The following PPM1L variants were observed in gnomAD, a reference collection of about 807,000 sequenced individuals.
The protein encoded by PPM1L is protein phosphatase, Mg2+/Mn2+ dependent 1L.
PPM1L carries 13 observed loss-of-function variants against 31.4 expected under a neutral mutation model. That is an observed-to-expected ratio of 0.41 (90% CI 0.27 to 0.66). The LOEUF (loss-of-function observed/expected upper bound fraction) is 0.66. Ranked by LOEUF, PPM1L falls within the 30% of genes least tolerant of loss-of-function variation. PPM1L has a pLI of 0.29. For synonymous variants in PPM1L, 184 were observed against 175.4 expected (o/e 1.05, Z -0.39); for missense variants, 326 against 453.7 (o/e 0.72, Z 2.56).
chr3:160,977,316 A>G (rs1357701540), intron 2 of PPM1L, among the ~76,000 whole-genome samples: 1 of 152,210 alleles, frequency 6.6e-6, no homozygotes, highest in Admixed American at 6.5e-5. Context: ...AGGGAATTCT[A>G]AATTGACTGT....
intron 1 of PPM1L, among the ~76,000 whole-genome samples, chr3:160,905,438 A>G (rs1216862859): frequency 1.6e-4 from 25 of 152,186 alleles, no homozygotes; most frequent in Non-Finnish European, 8.8e-5. Flanking sequence ...ATGCCCGTCT[A>G]ATAGTTCTGA....
intron 1 of PPM1L, among the ~76,000 whole-genome samples, chr3:160,784,406 A>G (rs1306728667): frequency 2.0e-5 from 3 of 152,180 alleles, no homozygotes; most frequent in Non-Finnish European, 2.9e-5. Context: ...CTTCTACCAT[A>G]TGAATAGTTA....
At chr3:160,857,952 G>A (rs930670534) in intron 1 of PPM1L, among the ~76,000 whole-genome samples, 4 of 152,174 alleles carry the variant, frequency 2.6e-5, no homozygotes, top group Admixed American at 1.3e-4. Context: ...TGCAGTGACT[G>A]TGTCCTGTCA....
chr3:160,842,014 C>A (rs1322031825), intron 1 of PPM1L, among the ~76,000 whole-genome samples: 1 of 152,130 alleles, frequency 6.6e-6, no homozygotes, highest in Non-Finnish European at 1.5e-5. Flanking sequence ...TCCTTACCCT[C>A]AGGTAACTTA....
chr3:160,977,678 A>G (rs1716642924), intron 2 of PPM1L, among the ~76,000 whole-genome samples: 1 of 152,126 alleles, frequency 6.6e-6, no homozygotes, highest in African/African-American at 2.4e-5. Context: ...TATAATAATA[A>G]TGTTACAATA....
In PPM1L at chr3:160,996,390, A is replaced by G. The variant is rs528471870; in HGVS notation, c.574+34480A>G. Among the ~76,000 whole-genome samples, 154 of 152,344 alleles carry G rather than the reference A, an allele frequency of 1.0e-3. 1 individual carries two copies. Among genetic ancestry groups the G allele is most frequent in the African/African-American group, 3.4e-3 (143 of 41,580 alleles). On this transcript the variant is annotated intron_variant, in intron 2 of 3. Transcript: ENST00000498165. ...AATTGCAAAAATACGGAACCCACCC[A>G]AATGTCCATCATTCAACGAGTGGAT...
At chr3:160,812,509 GTCT>G (rs1156768598) in intron 1 of PPM1L, among the ~76,000 whole-genome samples, 2 of 152,180 alleles carry the variant, frequency 1.3e-5, no homozygotes, top group Non-Finnish European at 2.9e-5. Flanking sequence ...TTCAGAAATA[GTCT>G]TCTTTGTGCT....
intron 1 of PPM1L, among the ~76,000 whole-genome samples, chr3:160,882,715 G>T (rs940272052): frequency 9.2e-5 from 14 of 152,148 alleles, no homozygotes; most frequent in African/African-American, 3.1e-4. Context: ...GTATATAAAT[G>T]AAAAGTTTCC....
At chr3:161,037,278 T>C (rs1017036205) in intron 2 of PPM1L, among the ~76,000 whole-genome samples, 14 of 152,140 alleles carry the variant, frequency 9.2e-5, no homozygotes, top group Admixed American at 9.2e-4. Context: ...AATCACATGC[T>C]CAGGGGGAAA....
At chr3:160,995,801 T>G (rs1402790476) in intron 2 of PPM1L, among the ~76,000 whole-genome samples, 1 of 152,152 alleles carries the variant, frequency 6.6e-6, no homozygotes, top group African/African-American at 2.4e-5. Context: ...TTTTTGGTTT[T>G]GTGGGTTGAT....
At chr3:160,827,722 A>C (rs1173265211) in intron 1 of PPM1L, among the ~76,000 whole-genome samples, 1 of 152,132 alleles carries the variant, frequency 6.6e-6, no homozygotes, top group Non-Finnish European at 1.5e-5. Flanking sequence ...AAACAGATTC[A>C]TGTGTGTAGA....
At chr3:160,793,771 C>A (rs1712168551) in intron 1 of PPM1L, among the ~76,000 whole-genome samples, 1 of 152,156 alleles carries the variant, frequency 6.6e-6, no homozygotes, top group South Asian at 2.1e-4. Flanking sequence ...AACAAAGGTG[C>A]ATTCCAGAGA....
intron 2 of PPM1L, among the ~76,000 whole-genome samples, chr3:161,016,475 C>T (rs114973304): frequency 0.013 from 1,948 of 152,162 alleles, 38 homozygotes; most frequent in African/African-American, 0.043. Context: ...AGATATGGAA[C>T]GCTGAAGAAG....
chr3:160,809,317 TA>T (rs911655281), intron 1 of PPM1L, among the ~76,000 whole-genome samples: 1 of 151,908 alleles, frequency 6.6e-6, no homozygotes, highest in Non-Finnish European at 1.5e-5. Flanking sequence ...GGCTCTGAAG[TA>T]AAAAAAATTC....
At chr3:160,901,096 T>G (rs1027675901) in intron 1 of PPM1L, among the ~76,000 whole-genome samples, 2 of 152,168 alleles carry the variant, frequency 1.3e-5, no homozygotes, top group African/African-American at 4.8e-5. Context: ...TCTTTTCTTC[T>G]GTTTACTTGT....
chr3:161,014,762 T>C (rs1718025073), intron 2 of PPM1L, among the ~76,000 whole-genome samples: 1 of 152,140 alleles, frequency 6.6e-6, no homozygotes, highest in African/African-American at 2.4e-5. Context: ...GAGCCACTGC[T>C]CCTGGCCAGG....
chr3:160,800,764 G>A (rs970502552), intron 1 of PPM1L, among the ~76,000 whole-genome samples: 3 of 151,948 alleles, frequency 2.0e-5, no homozygotes. Context: ...CTGCACCTAG[G>A]CTCTCTTGGA....
intron 1 of PPM1L, among the ~76,000 whole-genome samples, chr3:160,757,310 T>G (rs1352910064): frequency 6.6e-6 from 1 of 152,252 alleles, no homozygotes; most frequent in Non-Finnish European, 1.5e-5. Flanking sequence ...AGCGCCTCGC[T>G]GGCCGCTTGT....
chr3:160,838,054 A>T (rs1713772027), intron 1 of PPM1L, among the ~76,000 whole-genome samples: 2 of 152,140 alleles, frequency 1.3e-5, no homozygotes, highest in Admixed American at 1.3e-4. Flanking sequence ...TAAGTTGCAA[A>T]AAAGGAAAAA....
Sources: allele counts gnomAD v4.1 joint callset (sites outside exome capture counted in the v4.1 genomes callset), GRCh38; gene constraint gnomAD v4.1.1; transcripts MANE v1.5; gene names NCBI Gene and HGNC (gene_info 2026-07-23, HGNC 2026-07-21).